TMEM238L: variants seen among roughly 807,000 people sequenced by gnomAD.
TMEM238L encodes transmembrane protein 238 like, also known as transmembrane protein 238-like.
At chr17:10,801,122 C>G (rs1037421468) in intron 1 of TMEM238L, among the ~76,000 whole-genome samples, 1 of 151,640 alleles carries the variant, frequency 6.6e-6, no homozygotes, top group African/African-American at 2.4e-5. Context: ...GCGATCTCGG[C>G]TCACTGCAAG....
chr17:10,801,093 C>G (rs939350194), intron 1 of TMEM238L, among the ~76,000 whole-genome samples: 9 of 151,784 alleles, frequency 5.9e-5, no homozygotes, highest in Non-Finnish European at 1.0e-4. Flanking sequence ...CTCTGTCACC[C>G]AGGCTGGAGT....
chr17:10,797,081 A>C (rs1201479969), intron 1 of TMEM238L, among the ~76,000 whole-genome samples: 1 of 152,054 alleles, frequency 6.6e-6, no homozygotes, highest in Non-Finnish European at 1.5e-5. Context: ...GTAGTTGCCT[A>C]CCCCTGGTCT....
exon 1 of TMEM238L, chr17:10,804,006 T>G (rs1039544364): frequency 7.5e-5 from 30 of 399,392 alleles, no homozygotes; most frequent in African/African-American, 6.0e-4. Context: ...CTCCCGGGGG[T>G]GATTTGCATG....
intron 1 of TMEM238L, among the ~76,000 whole-genome samples, chr17:10,797,326 A>G (rs544494025): frequency 6.6e-6 from 1 of 151,868 alleles, no homozygotes; most frequent in South Asian, 2.1e-4. Flanking sequence ...AGTGAATCTT[A>G]GTGTTCTTTT....
intron 1 of TMEM238L, among the ~76,000 whole-genome samples, chr17:10,800,174 C>T (rs963584817): frequency 2.6e-5 from 4 of 152,092 alleles, no homozygotes; most frequent in African/African-American, 4.8e-5. Context: ...CCTCGTGATC[C>T]GCCCGCCTCA....
intron 1 of TMEM238L, chr17:10,802,483 T>C (rs1483797520): frequency 6.6e-6 from 1 of 152,366 alleles, no homozygotes; most frequent in Non-Finnish European, 1.5e-5. Context: ...GACTGACTTC[T>C]CATCTGTTTC....
chr17:10,797,511 A>T (rs1043801560), intron 1 of TMEM238L, among the ~76,000 whole-genome samples: 2 of 150,934 alleles, frequency 1.3e-5, no homozygotes, highest in Admixed American at 1.3e-4. Flanking sequence ...CTCCCTCCAC[A>T]TCTGATCTTT....
chr17:10,795,110 C>A (rs1281177073), exon 2 of TMEM238L: 3 of 152,390 alleles, frequency 2.0e-5, no homozygotes, highest in Middle Eastern at 3.4e-3. Flanking sequence ...GAACATCTAT[C>A]CAGTTAGCCT....
chr17:10,795,217 G>A (rs1276419468), exon 2 of TMEM238L: 1 of 152,172 alleles, frequency 6.6e-6, no homozygotes, highest in East Asian at 1.9e-4. Flanking sequence ...TCAAATGAAA[G>A]ACACAAGGAC....
intron 1 of TMEM238L, among the ~76,000 whole-genome samples, chr17:10,803,035 C>T (rs1459318411): frequency 6.6e-6 from 1 of 151,970 alleles, no homozygotes; most frequent in African/African-American, 2.4e-5. Context: ...GGTGTGTGCA[C>T]TGAGTGGGCA....
intron 1 of TMEM238L, among the ~76,000 whole-genome samples, chr17:10,797,411 T>C (rs867852987): frequency 2.4e-4 from 27 of 114,034 alleles, no homozygotes; most frequent in South Asian, 2.2e-3. Context: ...CTCCCTTCCT[T>C]CCTTCCTTCC....
chr17:10,797,405 C>G (rs1414597448), intron 1 of TMEM238L, among the ~76,000 whole-genome samples: 1 of 28,248 alleles, frequency 3.5e-5, no homozygotes, highest in Non-Finnish European at 6.1e-5. Context: ...CCCTCCCTCC[C>G]TTCCTTCCTT....
chr17:10,801,783 CTT>C (rs57292520), intron 1 of TMEM238L, among the ~76,000 whole-genome samples: 8 of 144,034 alleles, frequency 5.6e-5, no homozygotes, highest in East Asian at 2.0e-4. Flanking sequence ...CGTCATGTGT[CTT>C]TTTTTTTTTT....
intron 1 of TMEM238L, among the ~76,000 whole-genome samples, chr17:10,800,867 G>A (rs993144501): frequency 1.3e-5 from 2 of 152,118 alleles, no homozygotes; most frequent in African/African-American, 2.4e-5. Context: ...TTCAGGGCAC[G>A]GAGCCTCACA....
At chr17:10,800,425 T>C (rs1904702383) in intron 1 of TMEM238L, among the ~76,000 whole-genome samples, 1 of 152,110 alleles carries the variant, frequency 6.6e-6, no homozygotes, top group South Asian at 2.1e-4. Context: ...ATAAAGAACA[T>C]ATTAAAACTT....
chr17:10,796,154 T>C (rs954145803), intron 1 of TMEM238L, among the ~76,000 whole-genome samples: 2 of 152,252 alleles, frequency 1.3e-5, no homozygotes, highest in African/African-American at 4.8e-5. Flanking sequence ...AATGGAAATT[T>C]GAATCCCGCA....
chr17:10,797,235 G>A (rs1056563277), intron 1 of TMEM238L, among the ~76,000 whole-genome samples: 2 of 152,118 alleles, frequency 1.3e-5, no homozygotes, highest in Non-Finnish European at 2.9e-5. Flanking sequence ...GAATAATAAT[G>A]ATTATGATGA....
intron 1 of TMEM238L, 30 bp downstream of exon 1, chr17:10,803,576 C>A: frequency 2.5e-6 from 1 of 395,736 alleles, no homozygotes; most frequent in Non-Finnish European, 4.5e-6. Context: ...TCTCTGGCCA[C>A]CCTGCCAGGT....
exon 2 of TMEM238L, chr17:10,794,917 A>G (rs971814017): frequency 2.0e-5 from 3 of 152,378 alleles, no homozygotes; most frequent in East Asian, 1.9e-4. Flanking sequence ...GTCCTGTTAC[A>G]TAAAAACAAA....
Sources: gnomAD v4.1 joint callset for allele counts (sites outside exome capture counted in the v4.1 genomes callset) on GRCh38, gnomAD v4.1.1 for gene constraint, MANE v1.5 for transcripts, NCBI Gene and HGNC (gene_info 2026-07-23, HGNC 2026-07-21) for gene names.